Variants in OPCML observed in about 807,000 individuals in gnomAD.
The protein encoded by OPCML is opioid binding protein/cell adhesion molecule like.
Under a neutral mutation model 37.8 loss-of-function variants are expected in OPCML, and 13 were observed. The ratio of observed to expected loss-of-function variants is 0.34; its 90% CI spans 0.22 to 0.55. The LOEUF is 0.55. Among genes scored for constraint, OPCML ranks in the 20% least tolerant of loss-of-function variants. The probability of loss-of-function intolerance (pLI) is 0.91; values close to 1 mark genes in which losing one functional copy is unlikely to be tolerated. For missense variants in OPCML, 341 were observed against 435.6 expected, an observed-to-expected ratio of 0.78 and a Z score of 1.93; for synonymous variants, 176 against 168.8, an observed-to-expected ratio of 1.04 and a Z score of -0.33.
At chr11:132,636,349 C>G (rs576035480) in intron 3 of OPCML, among the ~76,000 whole-genome samples, 2 of 152,312 alleles carry the variant, frequency 1.3e-5, no homozygotes, top group Admixed American at 6.5e-5. Flanking sequence ...ACATTTGTCA[C>G]ATAATTCTGT....
At chr11:132,679,369 T>C (rs1200627574) in intron 2 of OPCML, among the ~76,000 whole-genome samples, 1 of 152,164 alleles carries the variant, frequency 6.6e-6, no homozygotes, top group Non-Finnish European at 1.5e-5. Context: ...AATGGATGAA[T>C]AAAATGTGGG....
chr11:133,502,068 C>T (rs1185367511), intron 1 of OPCML, among the ~76,000 whole-genome samples: 2 of 152,054 alleles, frequency 1.3e-5, no homozygotes, highest in African/African-American at 4.8e-5. Context: ...CTCCAATGCC[C>T]AAAGTGCATC....
chr11:132,657,817 C>T (rs549462943), intron 2 of OPCML, among the ~76,000 whole-genome samples: 2 of 152,218 alleles, frequency 1.3e-5, no homozygotes, highest in South Asian at 2.1e-4. Context: ...CCTAAGCAGC[C>T]GAAAGCCTGC....
chr11:133,202,021 C>T (rs780418215), intron 1 of OPCML, among the ~76,000 whole-genome samples: 6 of 141,996 alleles, frequency 4.2e-5, no homozygotes, highest in Admixed American at 1.4e-4. Flanking sequence ...TATATTCCAG[C>T]GGAACAGGCA....
chr11:132,993,526 G>A (rs1946821432), intron 1 of OPCML, among the ~76,000 whole-genome samples: 1 of 152,150 alleles, frequency 6.6e-6, no homozygotes, highest in South Asian at 2.1e-4. Context: ...CTCCATGAAT[G>A]ACACCAGGCA....
At chr11:133,132,059 TAAA>T (rs1370253477) in intron 1 of OPCML, among the ~76,000 whole-genome samples, 1 of 152,154 alleles carries the variant, frequency 6.6e-6, no homozygotes, top group African/African-American at 2.4e-5. Flanking sequence ...TCATCAAAAT[TAAA>T]AATTTTTTTG....
In OPCML at chr11:132,819,866, C is replaced by G. The variant is rs555703969; in HGVS notation, c.146+123060G>C. The stretch of plus-strand genomic sequence containing the variant: ...AAAAACACATGTTTGTAAGTGGAGG[C>G]TGCTGTGCTGTTTGTGATGCTCTAG... On this transcript the variant is annotated intron_variant, in intron 2 of 7. Transcript: ENST00000524381. Among the ~76,000 whole-genome samples, 9 of 152,268 alleles carry G rather than the reference C, an allele frequency of 5.9e-5. No individual in the cohort carries two copies. The East Asian group carries it at 1.5e-3, about 26-fold the overall frequency.
chr11:132,722,250 C>T (rs577595080), intron 2 of OPCML, among the ~76,000 whole-genome samples: 187 of 132,158 alleles, frequency 1.4e-3, no homozygotes, highest in African/African-American at 5.2e-3. Context: ...CCACCACGTC[C>T]GGCCTATTTT....
chr11:133,516,355 C>T (rs1948272205), intron 1 of OPCML, among the ~76,000 whole-genome samples: 1 of 152,180 alleles, frequency 6.6e-6, no homozygotes, highest in African/African-American at 2.4e-5. Flanking sequence ...CAGCCAGGGG[C>T]TTCGGAGAGC....
At chr11:133,232,043 T>A (rs114138053) in intron 1 of OPCML, among the ~76,000 whole-genome samples, 2 of 152,048 alleles carry the variant, frequency 1.3e-5, no homozygotes, top group Non-Finnish European at 2.9e-5. Context: ...GGAAGAGAGA[T>A]GAAACAAATT....
chr11:132,914,265 C>T (rs1463614264), intron 2 of OPCML, among the ~76,000 whole-genome samples: 1 of 152,204 alleles, frequency 6.6e-6, no homozygotes, highest in Non-Finnish European at 1.5e-5. Context: ...TCGATATCTC[C>T]ACAATGCTTA....
chr11:132,672,832 T>C (rs1003529048), intron 2 of OPCML, among the ~76,000 whole-genome samples: 4 of 152,172 alleles, frequency 2.6e-5, no homozygotes, highest in Non-Finnish European at 5.9e-5. Context: ...TTGATTTCAT[T>C]GTACTGTCAT....
chr11:132,839,643 G>T (rs1220916038), intron 2 of OPCML, among the ~76,000 whole-genome samples: 1 of 152,142 alleles, frequency 6.6e-6, no homozygotes, highest in Non-Finnish European at 1.5e-5. Context: ...TGTTGACGCT[G>T]ATTATTTAAT....
At chr11:132,796,565 C>CTTT (rs71067396) in intron 2 of OPCML, among the ~76,000 whole-genome samples, 23 of 88,556 alleles carry the variant, frequency 2.6e-4, no homozygotes, top group Non-Finnish European at 3.6e-4. Flanking sequence ...TTTCTTCTTT[C>CTTT]TTTTTTTTTT....
intron 2 of OPCML, among the ~76,000 whole-genome samples, chr11:132,747,751 G>A (rs1459967260): frequency 6.6e-6 from 1 of 152,202 alleles, no homozygotes; most frequent in Non-Finnish European, 1.5e-5. Context: ...ATAAGAAAGA[G>A]TTGCTGGTTT....
intron 1 of OPCML, among the ~76,000 whole-genome samples, chr11:133,108,152 AT>A (rs1949190079): frequency 6.6e-6 from 1 of 152,148 alleles, no homozygotes; most frequent in Non-Finnish European, 1.5e-5. Flanking sequence ...CTTGGAAAAG[AT>A]TTTCTTTTTT....
At chr11:132,592,404 A>T (rs1209162152) in intron 3 of OPCML, among the ~76,000 whole-genome samples, 1 of 152,200 alleles carries the variant, frequency 6.6e-6, no homozygotes, top group Non-Finnish European at 1.5e-5. Context: ...TATCTGGAAA[A>T]AAAATGGAGA....
intron 1 of OPCML, among the ~76,000 whole-genome samples, chr11:133,090,256 T>G (rs1407464764): frequency 6.6e-6 from 1 of 152,094 alleles, no homozygotes; most frequent in African/African-American, 2.4e-5. Flanking sequence ...CTGTTATATT[T>G]GGGGTGCTGC....
intron 3 of OPCML, among the ~76,000 whole-genome samples, chr11:132,561,739 A>C (rs1339177023): frequency 6.6e-6 from 1 of 152,252 alleles, no homozygotes; most frequent in East Asian, 1.9e-4. Flanking sequence ...ACTTAGAAAG[A>C]GACATAACTG....
Sources: gnomAD v4.1 joint callset for allele counts (sites outside exome capture counted in the v4.1 genomes callset) on GRCh38, gnomAD v4.1.1 for gene constraint, MANE v1.5 for transcripts, NCBI Gene and HGNC (gene_info 2026-07-23, HGNC 2026-07-21) for gene names.